Variants in ANKRD1 observed in about 807,000 individuals in gnomAD.
ANKRD1 encodes ankyrin repeat domain-containing protein 1.
ANKRD1 carries 32 observed loss-of-function variants against 40.1 expected under a neutral mutation model. The observed-to-expected ratio is 0.80, with a 90% CI of 0.60 to 1.07. The LOEUF (loss-of-function observed/expected upper bound fraction) is 1.07, where lower values mean the gene tolerates loss of function less well. ANKRD1 is among the 50% of genes least tolerant of loss of function. The probability of loss-of-function intolerance (pLI) is 0.00; values close to 1 mark genes in which losing one functional copy is unlikely to be tolerated. For synonymous variants in ANKRD1, 149 were observed against 141.2 expected (o/e 1.06, Z -0.39); for missense variants, 359 against 386.0 (o/e 0.93, Z 0.59).
intron 8 of ANKRD1, among the ~76,000 whole-genome samples, chr10:90,913,695 G>A (rs1184744902): frequency 6.6e-6 from 1 of 152,154 alleles, no homozygotes; most frequent in Non-Finnish European, 1.5e-5. Flanking sequence ...TATTCATTGA[G>A]AAGTTTCTTT....
chr10:90,919,160 C>T lies in ANKRD1; in HGVS notation c.316G>A (p.Val106Ile), dbSNP rs201056963. ...ATTTCAGGTTCTGGTTCCTTTACAA[C>T]TGGAACTTTAGTTTTCCTGTATTTT... ...RKKYRKTKVP[V>I]VKEPEPEIIT... Residue 106 changes from valine to isoleucine, a missense_variant, in exon 3 of 9, where the codon GTT becomes ATT. Transcript: ENST00000371697. 3.1e-6 allele frequency: 5 copies of T among 1,613,090 alleles called. No individual in the cohort carries two copies. Among genetic ancestry groups the T allele is most frequent in the Non-Finnish European group, 2.5e-6 (3 of 1,179,736 alleles).
In ANKRD1 at chr10:90,916,130, G is replaced by C. The variant is rs769199158; in HGVS notation, c.651+41C>G. The stretch of plus-strand genomic sequence containing the variant: ...GTGGAGAAGGATGGGGGACAGGGAG[G>C]GGGAGGGGGTGAATGAAGGGAGAAG... On this transcript the variant is annotated intron_variant, in intron 6 of 8. Transcript: ENST00000371697. 18 of 1,326,496 alleles carry C rather than the reference G, an allele frequency of 1.4e-5. No individual in the cohort carries two copies. In the Admixed American group the frequency reaches 1.5e-4, roughly 11 times the overall value. The allele number at this position is 1,326,496 out of a possible 1,614,324, so 82.2% of individuals were successfully genotyped here.
rs765966193 is a variant in ANKRD1 at position 90,912,921 on chromosome 10, A to G, written c.905T>C (p.Ile302Thr). 9 of 1,613,954 alleles carry G rather than the reference A, an allele frequency of 5.6e-6. No homozygotes were observed. The highest frequency in any genetic ancestry group is 3.3e-5 in the Admixed American group (2 of 59,994). The stretch of plus-strand genomic sequence containing the variant: ...GGAGTTCTCTCTGAGGCTGTCGAAT[A>G]TTGCTTTGGTTCCATTCTGCCAGTG... ...VLHWQNGTKA[I>T]FDSLRENSYK... Residue 302 changes from isoleucine to threonine, a missense_variant, in exon 9 of 9, where the codon ATA (isoleucine) becomes ACA (threonine). Ile to Thr is a moderately conservative substitution (Grantham distance 89). Transcript: ENST00000371697.
intron 6 of ANKRD1, 110 bp downstream of exon 6, chr10:90,916,061 C>T (rs1179931750): frequency 2.1e-5 from 8 of 377,262 alleles, no homozygotes; most frequent in Admixed American, 1.9e-4. Flanking sequence ...GAGGGAAGGG[C>T]GGGTGGGGGA....
rs1847358948 is a variant in ANKRD1 at position 90,915,553 on chromosome 10, A to T, written c.839T>A (p.Ile280Asn). 1.9e-6 allele frequency: 3 copies of T among 1,613,638 alleles called. No homozygotes were observed. The highest frequency in any genetic ancestry group is 1.3e-5 in the African/African-American group (1 of 75,014). ...GTTTCCAGTACTTACACAGTTCTTG[A>T]TGTTGAGATCCGCGCCATACATAAT... ...LLIMYGADLN[I>N]KNCAGKTPMD... is the part of the protein sequence containing the mutation. The change falls in exon 8 of 9, where the codon ATC becomes AAC. Residue 280 changes from isoleucine to asparagine, a missense_variant. Ile to Asn is a moderately radical substitution (Grantham distance 149). Transcript: ENST00000371697.
In ANKRD1 at chr10:90,915,253, G is replaced by A. The variant is rs972000007; in HGVS notation, c.849+290C>T. Among the ~76,000 whole-genome samples the A allele has an allele frequency of 2.0e-5, 3 of 152,130 alleles. No homozygotes were observed. In the South Asian group the frequency reaches 6.2e-4, roughly 32 times the overall value. On this transcript the variant is annotated intron_variant, in intron 8 of 8. Coordinates refer to ENST00000371697, the MANE Select transcript of ANKRD1 (RefSeq NM_014391.3). The stretch of plus-strand genomic sequence containing the variant: ...AGATTGGACTTCTAGGTGTTTGTGG[G>A]GATGAGCAAATTTTGACTATCTTTC...
intron 3 of ANKRD1, 77 bp from the exon 4 acceptor site, chr10:90,919,049 A>G (rs1564574708): frequency 6.3e-7 from 1 of 1,587,470 alleles, no homozygotes; most frequent in African/African-American, 1.4e-5. Context: ...GCCAGCATTC[A>G]ATCAAACCCT....
At chr10:90,920,745 T>A (rs1847427705) in intron 1 of ANKRD1, among the ~76,000 whole-genome samples, 1 of 152,206 alleles carries the variant, frequency 6.6e-6, no homozygotes, top group Non-Finnish European at 1.5e-5. Flanking sequence ...GACATTTTGA[T>A]AACTACACGT....
chr10:90,920,835 A>ATT (rs144975490), intron 1 of ANKRD1, among the ~76,000 whole-genome samples, 166 bp downstream of exon 1: 1 of 149,868 alleles, frequency 6.7e-6, no homozygotes, highest in Non-Finnish European at 1.5e-5. Flanking sequence ...TGGTAGCTCC[A>ATT]TTTTTTTTTT....
At chr10:90,916,028 T>C in intron 6 of ANKRD1, 143 bp downstream of exon 6, 1 of 550,544 alleles carries the variant, frequency 1.8e-6, no homozygotes, top group Non-Finnish European at 3.2e-6. Context: ...GAGGCGAGGT[T>C]AGGAGATGGA....
intron 8 of ANKRD1, among the ~76,000 whole-genome samples, chr10:90,913,915 G>C (rs371454568): frequency 5.3e-5 from 8 of 152,256 alleles, no homozygotes; most frequent in African/African-American, 1.7e-4. Context: ...CATAGACTGG[G>C]TTGGGGAAGG....
chr10:90,917,609 C>A (rs541390244), intron 5 of ANKRD1, 123 bp downstream of exon 5: 63 of 802,478 alleles, frequency 7.9e-5, no homozygotes, highest in Admixed American at 6.4e-4. Context: ...GAGAAATGAG[C>A]TTTTGCCTAG....
At chr10:90,918,994 AT>A in intron 3 of ANKRD1, 22 bp from the exon 4 acceptor site, 4 of 162,716 alleles carry the variant, frequency 2.5e-5, no homozygotes, top group Non-Finnish European at 4.2e-5. Context: ...ATAAATAAAT[AT>A]ATATATATAT....
chr10:90,912,909 A>T lies in ANKRD1; in HGVS notation c.917T>A (p.Leu306His). 6.2e-7 allele frequency: 1 copy of T among 1,614,082 alleles called. No individual in the cohort carries two copies. The highest frequency in any genetic ancestry group is 8.5e-7 in the Non-Finnish European group (1 of 1,179,942). The change falls in exon 9 of 9, where the codon CTC becomes CAC. Residue 306 changes from leucine to histidine, a missense_variant. Coordinates refer to ENST00000371697, the MANE Select transcript of ANKRD1 (RefSeq NM_014391.3). ...QNGTKAIFDS[L>H]RENSYKTSRI... ...AGAGGTCTTGTAGGAGTTCTCTCTG[A>T]GGCTGTCGAATATTGCTTTGGTTCC...
chr10:90,913,049 T>G, intron 8 of ANKRD1, 73 bp from the exon 9 acceptor site: 1 of 1,347,784 alleles, frequency 7.4e-7, no homozygotes. Context: ...CTGTGTGTGT[T>G]TCATGAGGTA....
intron 1 of ANKRD1, 36 bp downstream of exon 1, chr10:90,920,965 A>G: frequency 6.2e-7 from 1 of 1,600,128 alleles, no homozygotes; most frequent in Non-Finnish European, 8.6e-7. Flanking sequence ...AAGATGAACC[A>G]GTTTTCATTT....
At chr10:90,913,996 G>A (rs547178125) in intron 8 of ANKRD1, among the ~76,000 whole-genome samples, 9 of 152,286 alleles carry the variant, frequency 5.9e-5, no homozygotes, top group East Asian at 3.9e-4. Context: ...CCATCTGCCC[G>A]GCACAGTGAG....
At chr10:90,916,145 G>A in intron 6 of ANKRD1, 26 bp downstream of exon 6, 1 of 1,570,204 alleles carries the variant, frequency 6.4e-7, no homozygotes, top group Non-Finnish European at 8.8e-7. Flanking sequence ...GGGGGTGAAT[G>A]AAGGGAGAAG....
intron 4 of ANKRD1, among the ~76,000 whole-genome samples, chr10:90,918,380 T>C (rs148197609): frequency 6.6e-6 from 1 of 152,254 alleles, no homozygotes; most frequent in African/African-American, 2.4e-5. Flanking sequence ...TTAGGCGTTA[T>C]TTCACTCCAA....
Sources: gnomAD v4.1 joint callset for allele counts (sites outside exome capture counted in the v4.1 genomes callset) on GRCh38, gnomAD v4.1.1 for gene constraint, MANE v1.5 for transcripts, NCBI Gene and HGNC (gene_info 2026-07-23, HGNC 2026-07-21) for gene names.